The following EGFLAM variants were observed in gnomAD, a reference collection of about 807,000 sequenced individuals.
The protein encoded by EGFLAM is EGF like, fibronectin type III and laminin G domains.
In EGFLAM, 79 loss-of-function variants were observed where a neutral mutation model predicts 113.1. That is an observed-to-expected ratio of 0.70 (90% CI 0.58 to 0.84). The LOEUF is 0.84. Ranked by LOEUF, EGFLAM falls within the 40% of genes least tolerant of loss-of-function variation. The pLI is 0.00. For missense variants in EGFLAM, 1,265 were observed against 1,291.6 expected, an observed-to-expected ratio of 0.98 and a Z score of 0.32; for synonymous variants, 504 against 487.6, an observed-to-expected ratio of 1.03 and a Z score of -0.44.
intron 1 of EGFLAM, among the ~76,000 whole-genome samples, chr5:38,318,536 C>T (rs969367976): frequency 2.6e-5 from 4 of 151,760 alleles, no homozygotes; most frequent in Middle Eastern, 3.4e-3. Flanking sequence ...TCCTATAAGT[C>T]TAAAATTATT....
In EGFLAM at chr5:38,412,581, T is replaced by G. The variant is rs763965365; in HGVS notation, c.1427T>G (p.Leu476Arg). The G allele has an allele frequency of 1.2e-6, 2 of 1,614,144 alleles. No homozygotes were observed. Among genetic ancestry groups the G allele is most frequent in the Non-Finnish European group, 1.7e-6 (2 of 1,180,034 alleles). Residue 476 changes from leucine to arginine, a missense_variant, in exon 11 of 22, where the codon CTC becomes CGC. By Grantham distance (102) the Leu-to-Arg change is moderately radical. Coordinates refer to ENST00000322350, the MANE Select transcript of EGFLAM (RefSeq NM_152403.4). ...IKLGGWHTVMLYRDGLNGLLQ... is the reference protein window; with the variant it reads ...IKLGGWHTVMRYRDGLNGLLQ... ...CTAGGGGGTTGGCACACGGTTATGC[T>G]CTACAGAGATGGGCTGAACGGGCTG... is the stretch of plus-strand genomic sequence containing the variant.
intron 19 of EGFLAM, among the ~76,000 whole-genome samples, chr5:38,455,039 C>T (rs1198535998): frequency 2.6e-5 from 4 of 152,138 alleles, no homozygotes; most frequent in Non-Finnish European, 5.9e-5. Context: ...AACCTACCAC[C>T]GGTGGGGTTT....
At position 38,370,177 on chromosome 5, in the gene EGFLAM, C is replaced by T; in HGVS notation, c.546-119C>T. 3 of 1,035,354 alleles carry T rather than the reference C, an allele frequency of 2.9e-6. No homozygotes were observed. The East Asian group carries it at 7.5e-5, about 26-fold the overall frequency. The allele number at this position is 1,035,354 out of a possible 1,614,324, so 64.1% of individuals were successfully genotyped here. On this transcript the variant is annotated intron_variant, in intron 5 of 21. Transcript: ENST00000322350. ...ATTACTTTCAGATAGGAAATGTTAA[C>T]TTACTTTTACAAGTATTGCTTCCAG... is the stretch of plus-strand genomic sequence containing the variant.
chr5:38,438,248 A>T (rs779677724), intron 16 of EGFLAM, 27 bp from the exon 17 acceptor site: 1 of 1,594,488 alleles, frequency 6.3e-7, no homozygotes, highest in Admixed American at 1.7e-5. Context: ...TTAATTCCTG[A>T]ATTTCTTTAT....
intron 5 of EGFLAM, among the ~76,000 whole-genome samples, chr5:38,360,684 A>G (rs1412799913): frequency 6.6e-6 from 1 of 152,196 alleles, no homozygotes; most frequent in Non-Finnish European, 1.5e-5. Flanking sequence ...GTTGACACAC[A>G]TAAAATGCCT....
At chr5:38,410,007 C>T (rs1481543190) in intron 10 of EGFLAM, among the ~76,000 whole-genome samples, 1 of 152,174 alleles carries the variant, frequency 6.6e-6, no homozygotes, top group Non-Finnish European at 1.5e-5. Context: ...CACCAACCCC[C>T]TGCTGCCTGA....
intron 5 of EGFLAM, among the ~76,000 whole-genome samples, chr5:38,363,472 C>T (rs769902058): frequency 6.6e-6 from 1 of 152,148 alleles, no homozygotes; most frequent in Non-Finnish European, 1.5e-5. Flanking sequence ...GACAACAAAT[C>T]ACAATGGTAT....
At chr5:38,307,124 G>A (rs1758740393) in intron 1 of EGFLAM, among the ~76,000 whole-genome samples, 1 of 152,210 alleles carries the variant, frequency 6.6e-6, no homozygotes, top group South Asian at 2.1e-4. Flanking sequence ...ACCAAGCTCA[G>A]CCCAAATAGA....
intron 1 of EGFLAM, among the ~76,000 whole-genome samples, chr5:38,330,424 G>A (rs1243842026): frequency 2.0e-5 from 3 of 152,112 alleles, no homozygotes; most frequent in African/African-American, 7.2e-5. Flanking sequence ...CAGTAGTGGG[G>A]GTGAAGGCAG....
rs548461760 is a variant in EGFLAM, at chr5:38,263,575, G to A, written c.97+4724G>A. Reference sequence around the variant, plus strand: ...ATGAGATCTGTGTTTTGTAAATCTCGGCTTCTAGTATGTGGCTTGTCTTTT... The same window carrying A: ...ATGAGATCTGTGTTTTGTAAATCTCAGCTTCTAGTATGTGGCTTGTCTTTT... On this transcript the variant is annotated intron_variant, in intron 1 of 21. Coordinates refer to ENST00000322350, the MANE Select transcript of EGFLAM (RefSeq NM_152403.4). Among the ~76,000 whole-genome samples, 96 of 152,166 alleles carry A rather than the reference G, an allele frequency of 6.3e-4. 1 individual carries two copies. The highest frequency in any genetic ancestry group is 5.6e-3 in the Admixed American group (86 of 15,292).
chr5:38,324,414 A>G (rs1293633083), intron 1 of EGFLAM, among the ~76,000 whole-genome samples: 1 of 152,164 alleles, frequency 6.6e-6, no homozygotes, highest in African/African-American at 2.4e-5. Flanking sequence ...CAATGTCTAT[A>G]TAATCAGTAT....
Position 38,332,534 on chromosome 5 carries a change from A to G in EGFLAM, c.98-4986A>G, listed in dbSNP as rs1384929034. ...GATGAATTAAATACACGCACACAGA[A>G]GTATAGCGTGTGGAGTGGGAAATCA... On this transcript the variant is annotated intron_variant, in intron 1 of 21. Transcript: ENST00000322350. Among the ~76,000 whole-genome samples the G allele has an allele frequency of 2.6e-5, 4 of 152,200 alleles. No homozygotes were observed. In the East Asian group the frequency reaches 7.7e-4, roughly 29 times the overall value.
At chr5:38,372,171 C>T (rs1435344312) in intron 6 of EGFLAM, among the ~76,000 whole-genome samples, 2 of 151,462 alleles carry the variant, frequency 1.3e-5, no homozygotes, top group Non-Finnish European at 2.9e-5. Context: ...GACTCAGAGA[C>T]TCACTCTGTC....
intron 6 of EGFLAM, among the ~76,000 whole-genome samples, chr5:38,386,652 A>G (rs1412208968): frequency 1.3e-5 from 2 of 152,170 alleles, no homozygotes; most frequent in South Asian, 2.1e-4. Context: ...GACTACAGGC[A>G]TGTACCACCA....
chr5:38,364,469 A>C (rs1284390784), intron 5 of EGFLAM, among the ~76,000 whole-genome samples: 1 of 152,194 alleles, frequency 6.6e-6, no homozygotes, highest in African/African-American at 2.4e-5. Context: ...AGGCAAGAAG[A>C]AAATGTTCCT....
At chr5:38,331,564 T>C (rs778297665) in intron 1 of EGFLAM, among the ~76,000 whole-genome samples, 28 of 152,142 alleles carry the variant, frequency 1.8e-4, no homozygotes, top group Non-Finnish European at 4.1e-4. Flanking sequence ...ACTTTGAGGA[T>C]TGAGACTATG....
At chr5:38,411,522 G>A (rs1347580114) in intron 10 of EGFLAM, among the ~76,000 whole-genome samples, 3 of 111,900 alleles carry the variant, frequency 2.7e-5, no homozygotes. Context: ...AGTCTCTGTT[G>A]CCAAGGCTGG....
intron 1 of EGFLAM, among the ~76,000 whole-genome samples, chr5:38,323,242 A>C (rs1579771413): frequency 6.6e-6 from 1 of 152,248 alleles, no homozygotes; most frequent in East Asian, 1.9e-4. Context: ...TTACAAAACT[A>C]ATTGAATCAG....
chr5:38,401,560 C>T (rs958182849), intron 6 of EGFLAM, among the ~76,000 whole-genome samples: 2 of 151,970 alleles, frequency 1.3e-5, no homozygotes, highest in Non-Finnish European at 2.9e-5. Context: ...GGATTGGTGG[C>T]AGTTTTCGGG....
Sources: gnomAD v4.1 joint callset for allele counts (sites outside exome capture counted in the v4.1 genomes callset) on GRCh38, gnomAD v4.1.1 for gene constraint, MANE v1.5 for transcripts, NCBI Gene and HGNC (gene_info 2026-07-23, HGNC 2026-07-21) for gene names.